The following DDR2 variants were observed in gnomAD, a reference collection of about 807,000 sequenced individuals.
DDR2 encodes the protein discoidin domain receptor tyrosine kinase 2, also known as discoidin domain-containing receptor 2.
Under a neutral mutation model 94.9 loss-of-function variants are expected in DDR2, and 27 were observed. That is an observed-to-expected ratio of 0.28 (90% confidence interval 0.21 to 0.39). The LOEUF (loss-of-function observed/expected upper bound fraction) is 0.39. Among genes scored for constraint, DDR2 ranks in the 10% least tolerant of loss-of-function variants. DDR2 has a pLI of 1.00. For synonymous variants in DDR2, 382 were observed against 377.2 expected (o/e 1.01, Z -0.15); for missense variants, 783 against 1,076.0 (o/e 0.73, Z 3.81).
chr1:162,652,028 A>G (rs1372154156), intron 1 of DDR2, among the ~76,000 whole-genome samples: 2 of 152,370 alleles, frequency 1.3e-5, no homozygotes, highest in East Asian at 3.9e-4. Context: ...TAGTTGGAGC[A>G]TCATATGATG....
At chr1:162,652,063 G>A (rs1331541897) in intron 1 of DDR2, among the ~76,000 whole-genome samples, 1 of 152,210 alleles carries the variant, frequency 6.6e-6, no homozygotes, top group Non-Finnish European at 1.5e-5. Flanking sequence ...ATGCACTTTG[G>A]CATAAGACAG....
chr1:162,696,345 T>C (rs1051887849), intron 2 of DDR2, among the ~76,000 whole-genome samples: 2 of 152,012 alleles, frequency 1.3e-5, no homozygotes, highest in African/African-American at 4.8e-5. Flanking sequence ...TCTGAGGGAA[T>C]TGTGACCCTG....
intron 2 of DDR2, among the ~76,000 whole-genome samples, chr1:162,663,071 G>C (rs911104826): frequency 3.3e-5 from 5 of 152,150 alleles, no homozygotes; most frequent in Non-Finnish European, 7.3e-5. Flanking sequence ...CTAAGAAAGT[G>C]AATATGTAAT....
At chr1:162,749,165 C>G (rs1016543917) in intron 3 of DDR2, among the ~76,000 whole-genome samples, 1 of 152,016 alleles carries the variant, frequency 6.6e-6, no homozygotes, top group African/African-American at 2.4e-5. Flanking sequence ...CAGAGCAGAA[C>G]TGAAGGAGAT....
At position 162,778,357 on chromosome 1, in the gene DDR2, G is replaced by A. The variant is rs1848861; in HGVS notation, c.2284-223G>A. Among the ~76,000 whole-genome samples the A allele has an allele frequency of 0.95, 145,404 of 152,264 alleles. 69,790 individuals carry two copies. The highest frequency in any genetic ancestry group is 1 in the East Asian group (5,169 of 5,170). On this transcript the variant is annotated intron_variant, in intron 16 of 17. Transcript: ENST00000367921. ...GCAGAGTCAAATAGCTTATGGCTGC[G>A]TTTTTTTCAGCTCTTGGATCTCATC...
At chr1:162,724,098 C>G (rs1003603921) in intron 3 of DDR2, among the ~76,000 whole-genome samples, 1 of 152,126 alleles carries the variant, frequency 6.6e-6, no homozygotes, top group Admixed American at 6.5e-5. Flanking sequence ...GTCACTCTTC[C>G]TCACTTTACA....
At chr1:162,646,693 G>T (rs1469871783) in intron 1 of DDR2, among the ~76,000 whole-genome samples, 1 of 152,152 alleles carries the variant, frequency 6.6e-6, no homozygotes, top group African/African-American at 2.4e-5. Flanking sequence ...TTACATTCCT[G>T]TCTTTTCCAT....
chr1:162,711,983 G>T (rs1571229259), intron 2 of DDR2, among the ~76,000 whole-genome samples: 3 of 152,026 alleles, frequency 2.0e-5, no homozygotes, highest in South Asian at 2.1e-4. Flanking sequence ...ATCACCAGGG[G>T]TATAAACCAG....
At chr1:162,689,733 G>T (rs1055544346) in intron 2 of DDR2, among the ~76,000 whole-genome samples, 1 of 151,316 alleles carries the variant, frequency 6.6e-6, no homozygotes, top group Non-Finnish European at 1.5e-5. Context: ...GCTGGGTGCC[G>T]TGGCTCACGC....
intron 3 of DDR2, among the ~76,000 whole-genome samples, chr1:162,729,300 ATTTTT>A (rs869269032): frequency 3.2e-5 from 3 of 93,998 alleles, no homozygotes; most frequent in Non-Finnish European, 5.5e-5. Context: ...ATATATATAT[ATTTTT>A]TTTTTTTTTT....
chr1:162,692,762 A>G (rs568953026), intron 2 of DDR2, among the ~76,000 whole-genome samples: 2 of 152,318 alleles, frequency 1.3e-5, no homozygotes, highest in South Asian at 4.2e-4. Flanking sequence ...ACATTTGCAT[A>G]CTCTATGACC....
intron 2 of DDR2, among the ~76,000 whole-genome samples, chr1:162,689,049 G>A (rs1659830185): frequency 6.6e-6 from 1 of 152,202 alleles, no homozygotes; most frequent in African/African-American, 2.4e-5. Flanking sequence ...GGTTGACATG[G>A]AGCTTGGTTC....
intron 2 of DDR2, among the ~76,000 whole-genome samples, chr1:162,697,462 C>T (rs769560911): frequency 1.5e-4 from 23 of 152,140 alleles, no homozygotes; most frequent in African/African-American, 2.4e-5. Flanking sequence ...AATATGAGAT[C>T]GAACCTGACA....
intron 8 of DDR2, among the ~76,000 whole-genome samples, chr1:162,760,974 A>C (rs1323999304): frequency 2.6e-5 from 4 of 152,140 alleles, no homozygotes; most frequent in African/African-American, 9.7e-5. Context: ...ATTTCTAAAA[A>C]AAAAAATGAA....
At chr1:162,730,059 A>ATTTTT (rs1558051334) in intron 3 of DDR2, among the ~76,000 whole-genome samples, 1 of 112,146 alleles carries the variant, frequency 8.9e-6, no homozygotes. Context: ...TTTTTTTTGC[A>ATTTTT]AAAAAAAAAA....
At chr1:162,660,815 C>T (rs1033453373) in intron 2 of DDR2, among the ~76,000 whole-genome samples, 9 of 152,218 alleles carry the variant, frequency 5.9e-5, no homozygotes, top group Admixed American at 3.3e-4. Flanking sequence ...TATTAGATCA[C>T]AGTGACGCTC....
At chr1:162,672,915 C>A (rs558387797) in intron 2 of DDR2, among the ~76,000 whole-genome samples, 4 of 152,072 alleles carry the variant, frequency 2.6e-5, no homozygotes, top group African/African-American at 9.7e-5. Context: ...GTGAGATGAG[C>A]TCATACAAAT....
At chr1:162,729,313 T>TGTTTTTTTTG (rs1275259061) in intron 3 of DDR2, among the ~76,000 whole-genome samples, 15 of 141,156 alleles carry the variant, frequency 1.1e-4, no homozygotes, top group African/African-American at 4.0e-4. Context: ...TTTTTTTTTT[T>TGTTTTTTTTG]TTTTTTTCCT....
chr1:162,741,526 A>C (rs1662614877), intron 3 of DDR2: 1 of 946,300 alleles, frequency 1.1e-6, no homozygotes, highest in African/African-American at 1.8e-5. Context: ...AGGGTAAAGC[A>C]AAGATAAGCC....
Sources: gnomAD v4.1 joint callset for allele counts (sites outside exome capture counted in the v4.1 genomes callset) on GRCh38, gnomAD v4.1.1 for gene constraint, MANE v1.5 for transcripts, NCBI Gene and HGNC (gene_info 2026-07-23, HGNC 2026-07-21) for gene names.